Variants in MAGI2 observed in about 807,000 individuals in gnomAD.
MAGI2 encodes the protein membrane associated guanylate kinase, WW and PDZ domain containing 2, also known as membrane-associated guanylate kinase, WW and PDZ domain-containing protein 2.
A neutral mutation model predicts 133.3 loss-of-function variants in MAGI2; 35 were observed. The observed-to-expected ratio is 0.26, with a 90% CI of 0.20 to 0.35. The LOEUF is 0.35. Among genes scored for constraint, MAGI2 ranks in the 10% least tolerant of loss-of-function variants. The pLI is 1.00. For synonymous variants in MAGI2, 729 were observed against 710.6 expected, an observed-to-expected ratio of 1.03 and a Z score of -0.41; for missense variants, 1,636 against 1,863.4, an observed-to-expected ratio of 0.88 and a Z score of 2.25.
At position 78,209,091 on chromosome 7, in the gene MAGI2, G is replaced by A. The variant is rs866188169; in HGVS notation, c.2048-7898C>T. Reference sequence around the variant, plus strand: ...CAAAAAATTAGCCGGGCGTGGTGGCGGGCGCCTGTAGTCCCAGCTACTTGG... The same window carrying A: ...CAAAAAATTAGCCGGGCGTGGTGGCAGGCGCCTGTAGTCCCAGCTACTTGG... On this transcript the variant is annotated intron_variant, in intron 10 of 21. Coordinates refer to ENST00000354212, the MANE Select transcript of MAGI2 (RefSeq NM_012301.4). Among the ~76,000 whole-genome samples, 49 of 131,546 alleles carry A rather than the reference G, an allele frequency of 3.7e-4. No individual in the cohort carries two copies. In the East Asian group the frequency reaches 4.5e-3, roughly 12 times the overall value. 86.3% of individuals were successfully genotyped at this position (131,546 alleles called of 152,430 possible). A position where few individuals can be genotyped will look rare whatever the true frequency, so the allele number is the denominator to read the frequency against.
intron 10 of MAGI2, among the ~76,000 whole-genome samples, chr7:78,239,583 A>G (rs1159333820): frequency 6.6e-6 from 1 of 152,228 alleles, no homozygotes; most frequent in East Asian, 1.9e-4. Context: ...TAACCTGATC[A>G]AAAAATAGGC....
intron 2 of MAGI2, among the ~76,000 whole-genome samples, chr7:78,720,034 G>A (rs1246821745): frequency 6.6e-6 from 1 of 152,002 alleles, no homozygotes; most frequent in African/African-American, 2.4e-5. Context: ...TCAAATGGCT[G>A]CATTTCCACA....
chr7:78,878,668 C>T lies in MAGI2; in HGVS notation c.418+128422G>A, dbSNP rs115154273. ...ACTGTTATGCATATCTAAAATAATG[C>T]CATGATTATAAGTCTAGAGTGTGTT... On this transcript the variant is annotated intron_variant, in intron 2 of 21. Transcript: ENST00000354212. 7.6e-3 allele frequency among the ~76,000 whole-genome samples: 1,158 copies of T among 152,188 alleles called. 19 individuals carry two copies. Among genetic ancestry groups the T allele is most frequent in the African/African-American group, 0.026 (1,093 of 41,522 alleles).
intron 1 of MAGI2, among the ~76,000 whole-genome samples, chr7:79,423,588 A>G (rs1847128693): frequency 6.6e-6 from 1 of 152,108 alleles, no homozygotes; most frequent in Non-Finnish European, 1.5e-5. Flanking sequence ...TTAAAAAATT[A>G]TTTTAAAATA....
intron 2 of MAGI2, among the ~76,000 whole-genome samples, chr7:78,763,286 A>G (rs1824697061): frequency 6.6e-6 from 1 of 152,234 alleles, no homozygotes; most frequent in Non-Finnish European, 1.5e-5. Flanking sequence ...AAAAGTTACC[A>G]TCTGCAGCAC....
chr7:78,112,078 T>C (rs3807730), intron 20 of MAGI2, among the ~76,000 whole-genome samples: 42,477 of 152,026 alleles, frequency 0.28, 6,732 homozygotes, highest in Non-Finnish European at 0.37. Context: ...GTCATTTGTC[T>C]GCATTGACCT....
chr7:79,251,275 A>T (rs1833246277), intron 1 of MAGI2, among the ~76,000 whole-genome samples: 1 of 152,266 alleles, frequency 6.6e-6, no homozygotes, highest in Middle Eastern at 3.4e-3. Context: ...AGAGTCAAGG[A>T]AACAATCAAC....
chr7:78,733,920 C>T (rs752630488), intron 2 of MAGI2, among the ~76,000 whole-genome samples: 23 of 152,098 alleles, frequency 1.5e-4, no homozygotes, highest in Non-Finnish European at 3.1e-4. Context: ...TATCTGAAAA[C>T]GGTAATTGAC....
intron 1 of MAGI2, among the ~76,000 whole-genome samples, chr7:79,198,490 G>A (rs1004538727): frequency 6.6e-6 from 1 of 151,960 alleles, no homozygotes; most frequent in African/African-American, 2.4e-5. Context: ...CAATGCAGTG[G>A]CAGGATACAA....
intron 2 of MAGI2, among the ~76,000 whole-genome samples, chr7:78,882,500 CT>C (rs1478874842): frequency 6.6e-6 from 1 of 151,996 alleles, no homozygotes; most frequent in Non-Finnish European, 1.5e-5. Context: ...GGACTTCCCC[CT>C]AACTCATTCT....
chr7:78,273,590 G>C (rs1794787216), intron 9 of MAGI2, among the ~76,000 whole-genome samples: 1 of 152,002 alleles, frequency 6.6e-6, no homozygotes, highest in African/African-American at 2.4e-5. Flanking sequence ...CGTAGATTTG[G>C]TCTTTTCACA....
intron 2 of MAGI2, among the ~76,000 whole-genome samples, chr7:78,695,535 C>G (rs1460009957): frequency 6.6e-6 from 1 of 152,140 alleles, no homozygotes; most frequent in Non-Finnish European, 1.5e-5. Flanking sequence ...TCAGTTCTTT[C>G]AATGTAGTCA....
At chr7:78,438,581 G>A (rs747175015) in intron 6 of MAGI2, among the ~76,000 whole-genome samples, 4 of 152,094 alleles carry the variant, frequency 2.6e-5, no homozygotes, top group Admixed American at 1.3e-4. Flanking sequence ...TGCTAGAAGC[G>A]GGGCCAAAGT....
intron 1 of MAGI2, among the ~76,000 whole-genome samples, chr7:79,045,342 A>C (rs1437841967): frequency 6.6e-6 from 1 of 152,246 alleles, no homozygotes; most frequent in East Asian, 1.9e-4. Flanking sequence ...TGTATGCTTA[A>C]AATGAGTGCA....
chr7:78,374,091 T>C (rs1056916700), intron 6 of MAGI2, among the ~76,000 whole-genome samples: 3 of 152,160 alleles, frequency 2.0e-5, no homozygotes, highest in Non-Finnish European at 4.4e-5. Context: ...GGTAAAATGA[T>C]TTGTTTTCTT....
chr7:78,887,344 G>T (rs1054768618), intron 2 of MAGI2, among the ~76,000 whole-genome samples: 3 of 152,170 alleles, frequency 2.0e-5, no homozygotes, highest in Non-Finnish European at 4.4e-5. Flanking sequence ...AAATGTGGTA[G>T]TTTCAAGTTC....
intron 1 of MAGI2, among the ~76,000 whole-genome samples, chr7:79,345,173 G>T (rs923322991): frequency 2.0e-5 from 3 of 152,030 alleles, no homozygotes; most frequent in Non-Finnish European, 4.4e-5. Flanking sequence ...AAATCATACT[G>T]AGTAGGGTAT....
chr7:78,574,902 TAA>T (rs1349474903), intron 3 of MAGI2, among the ~76,000 whole-genome samples: 2 of 152,244 alleles, frequency 1.3e-5, no homozygotes, highest in African/African-American at 4.8e-5. Context: ...GTAAATGTAT[TAA>T]GTGTTATCTT....
At chr7:79,402,086 A>G (rs965573609) in intron 1 of MAGI2, among the ~76,000 whole-genome samples, 1 of 152,114 alleles carries the variant, frequency 6.6e-6, no homozygotes, top group African/African-American at 2.4e-5. Flanking sequence ...AAACTCTGAC[A>G]TACTTTTAGC....
Sources: allele counts gnomAD v4.1 joint callset (sites outside exome capture counted in the v4.1 genomes callset), GRCh38; gene constraint gnomAD v4.1.1; transcripts MANE v1.5; gene names NCBI Gene and HGNC (gene_info 2026-07-23, HGNC 2026-07-21).